Variants in MAN1C1 observed in about 807,000 individuals in gnomAD.
The protein encoded by MAN1C1 is mannosyl-oligosaccharide 1,2-alpha-mannosidase IC.
MAN1C1 carries 49 observed loss-of-function variants against 71.5 expected under a neutral mutation model. The observed-to-expected ratio is 0.69, with a 90% CI of 0.54 to 0.87. MAN1C1 has a LOEUF of 0.87. Among genes scored for constraint, MAN1C1 ranks in the 40% least tolerant of loss-of-function variants. The pLI, the probability that MAN1C1 is intolerant of heterozygous loss-of-function variation, is 0.00. For missense variants in MAN1C1, 743 were observed against 835.0 expected (o/e 0.89, Z 1.36); for synonymous variants, 352 against 343.7 (o/e 1.02, Z -0.27).
At position 25,779,970 on chromosome 1, in the gene MAN1C1, T is replaced by C. The variant is rs941465693; in HGVS notation, c.1478-970T>C. 1.3e-5 allele frequency among the ~76,000 whole-genome samples: 2 copies of C among 152,136 alleles called. No individual in the cohort carries two copies. The highest frequency in any genetic ancestry group is 1.3e-4 in the Admixed American group (2 of 15,278). Reference sequence around the variant, plus strand: ...TAAAGGGAGAAGGATCTGGCCCTCATACCCTACATGTTGGGCCTATGAGGG... The same window carrying C: ...TAAAGGGAGAAGGATCTGGCCCTCACACCCTACATGTTGGGCCTATGAGGG... On this transcript the variant is annotated intron_variant, in intron 9 of 11. Transcript: ENST00000374332. This position sits in a 1 kb window ranked among gnomAD's most constrained non-coding sequence, Gnocchi z 4.6.
intron 2 of MAN1C1, among the ~76,000 whole-genome samples, chr1:25,736,115 G>A (rs1176499030): frequency 6.6e-6 from 1 of 152,162 alleles, no homozygotes; most frequent in African/African-American, 2.4e-5. Flanking sequence ...TGTCTGGTGG[G>A]ATGAGCGGCA....
chr1:25,704,109 G>A (rs75159770), intron 2 of MAN1C1, among the ~76,000 whole-genome samples: 1 of 152,186 alleles, frequency 6.6e-6, no homozygotes. Context: ...CAACCAGCCA[G>A]GAAAGCAGTC....
Position 25,758,674 on chromosome 1 carries a change from A to G in MAN1C1, c.1012A>G (p.Thr338Ala). Residue 338 changes from threonine to alanine, a missense_variant, in exon 6 of 12, where the codon ACT (threonine) becomes GCT (alanine). Physicochemically the swap from Thr to Ala is moderately conservative, Grantham distance 58. Coordinates refer to ENST00000374332, the MANE Select transcript of MAN1C1 (RefSeq NM_020379.4). The part of the protein sequence containing the change: ...GSLHLEFLHL[T>A]ELSGNQVFAE... The stretch of plus-strand genomic sequence containing the variant: ...CCTGCACTTGGAATTCTTACACCTC[A>G]CTGAACTCTCTGGCAACCAGGTCTT... 6.2e-7 allele frequency: 1 copy of G among 1,613,580 alleles called. No homozygotes were observed. Among genetic ancestry groups the G allele is most frequent in the Non-Finnish European group, 8.5e-7 (1 of 1,179,516 alleles).
At chr1:25,652,044 T>C (rs1300212215) in intron 1 of MAN1C1, among the ~76,000 whole-genome samples, 1 of 152,228 alleles carries the variant, frequency 6.6e-6, no homozygotes, top group East Asian at 1.9e-4. Flanking sequence ...CAATGGCCAC[T>C]CAAAGCCAAG....
Position 25,687,789 on chromosome 1 carries a change from G to T in MAN1C1, c.637+1253G>T, listed in dbSNP as rs576994802. On this transcript the variant is annotated intron_variant, in intron 2 of 11. Transcript: ENST00000374332. ...GTATTTATTTTTCTCATTATCCTAG[G>T]AGTGTATGGGGGAAAAGGAAAGTAT... 4.6e-5 allele frequency among the ~76,000 whole-genome samples: 7 copies of T among 152,126 alleles called. No homozygotes were observed. The East Asian group carries it at 1.4e-3, about 29-fold the overall frequency.
intron 1 of MAN1C1, among the ~76,000 whole-genome samples, chr1:25,640,775 G>T (rs968703056): frequency 6.6e-6 from 1 of 152,168 alleles, no homozygotes; most frequent in African/African-American, 2.4e-5. Flanking sequence ...CTCAGAGGCG[G>T]TATTGTGTAA....
At chr1:25,671,449 G>C (rs570308676) in intron 1 of MAN1C1, among the ~76,000 whole-genome samples, 1 of 152,164 alleles carries the variant, frequency 6.6e-6, no homozygotes, top group African/African-American at 2.4e-5. Flanking sequence ...AGGGGAATAG[G>C]TTCCAGCATT....
rs935669071 is a variant in MAN1C1, at chr1:25,782,650, C to T, written c.1716C>T (p.Thr572=). The T allele has an allele frequency of 3.7e-6, 6 of 1,614,070 alleles. No individual in the cohort carries two copies. Among genetic ancestry groups the T allele is most frequent in the Non-Finnish European group, 5.1e-6 (6 of 1,180,024 alleles). ...GGATCCAAGACGTGTACAGTAGCAC[C>T]CCCAACCACGACAACAAGCAGCAGA... The part of the protein sequence containing the change: ...FSGIQDVYSS[T]PNHDNKQQSF... Residue 572 remains threonine (T), a synonymous_variant, in exon 11 of 12, where the codon ACC becomes ACT. Transcript: ENST00000374332. This position sits in a 1 kb window ranked among gnomAD's most constrained non-coding sequence, Gnocchi z 4.4.
chr1:25,730,601 A>C lies in MAN1C1; in HGVS notation c.638-16067A>C, dbSNP rs775686435. Reference sequence around the variant, plus strand: ...ACTGTGTGTTTTCTCTGAAGCGGAGAGCTGTCTCCTGGGCCGTGGCACGTT... The same window carrying C: ...ACTGTGTGTTTTCTCTGAAGCGGAGCGCTGTCTCCTGGGCCGTGGCACGTT... On this transcript the variant is annotated intron_variant, in intron 2 of 11. Coordinates refer to ENST00000374332, the MANE Select transcript of MAN1C1 (RefSeq NM_020379.4). The surrounding 1 kb of genome is among the most constrained non-coding windows in gnomAD (Gnocchi z 4.3). 3.2e-4 allele frequency among the ~76,000 whole-genome samples: 48 copies of C among 152,174 alleles called. No homozygotes were observed. The highest frequency in any genetic ancestry group is 6.5e-4 in the Non-Finnish European group (44 of 68,020).
chr1:25,690,946 G>A (rs1306886178), intron 2 of MAN1C1, among the ~76,000 whole-genome samples: 2 of 152,196 alleles, frequency 1.3e-5, no homozygotes, highest in African/African-American at 4.8e-5. Flanking sequence ...CTGAGGCCTG[G>A]CTTCCTCGCC....
In MAN1C1 at chr1:25,781,124, C is replaced by A. The variant is rs778911165; in HGVS notation, c.1650+12C>A. Reference sequence around the variant, plus strand: ...GGGAGGTGGTGCTGGTGAGTGGGCCCCAGGGATGGGCAGCAAGGTGCTAGA... The same window carrying A: ...GGGAGGTGGTGCTGGTGAGTGGGCCACAGGGATGGGCAGCAAGGTGCTAGA... On this transcript the variant is annotated intron_variant, in intron 10 of 11. Transcript: ENST00000374332. 33 of 1,612,782 alleles carry A rather than the reference C, an allele frequency of 2.0e-5. No homozygotes were observed. The highest frequency in any genetic ancestry group is 2.8e-5 in the Non-Finnish European group (33 of 1,179,344).
chr1:25,706,133 G>T (rs1055665066), intron 2 of MAN1C1, among the ~76,000 whole-genome samples: 2 of 152,174 alleles, frequency 1.3e-5, no homozygotes, highest in African/African-American at 4.8e-5. Context: ...GATGCAAAAG[G>T]TTAGGTCTGT....
At position 25,765,994 on chromosome 1, in the gene MAN1C1, C is replaced by T. The variant is rs545168123; in HGVS notation, c.1141+2027C>T. On this transcript the variant is annotated intron_variant, in intron 7 of 11. Coordinates refer to ENST00000374332, the MANE Select transcript of MAN1C1 (RefSeq NM_020379.4). ...CGATAACAGTTGCTGGTTTTAATTGCGAGACCTGACTGGATAAGGAGATAA... is the reference window on the plus strand; with the variant it reads ...CGATAACAGTTGCTGGTTTTAATTGTGAGACCTGACTGGATAAGGAGATAA... Among the ~76,000 whole-genome samples the T allele has an allele frequency of 3.9e-5, 6 of 152,310 alleles. 1 individual carries two copies. In the Middle Eastern group the frequency reaches 0.01, roughly 259 times the overall value.
intron 2 of MAN1C1, among the ~76,000 whole-genome samples, chr1:25,699,636 G>A (rs536643468): frequency 2.8e-4 from 43 of 152,292 alleles, no homozygotes; most frequent in African/African-American, 8.7e-4. Context: ...GAGCGTGGGC[G>A]TCTGGCATAT....
At chr1:25,739,178 C>T (rs1397053124) in intron 2 of MAN1C1, among the ~76,000 whole-genome samples, 7 of 152,110 alleles carry the variant, frequency 4.6e-5, no homozygotes, top group Admixed American at 2.6e-4. Flanking sequence ...TGCTTCATTC[C>T]GTTGGTCCAG....
At chr1:25,709,339 T>C (rs573589672) in intron 2 of MAN1C1, among the ~76,000 whole-genome samples, 103 of 152,284 alleles carry the variant, frequency 6.8e-4, no homozygotes, top group African/African-American at 2.4e-3. Flanking sequence ...TTTGCAGTCA[T>C]AAAAACAGCA....
At chr1:25,721,244 C>A (rs2046761807) in intron 2 of MAN1C1, among the ~76,000 whole-genome samples, 1 of 152,078 alleles carries the variant, frequency 6.6e-6, no homozygotes, top group African/African-American at 2.4e-5. Context: ...TTCTTAGCCC[C>A]CCAGAGTGCT....
At chr1:25,719,402 TATTTA>T (rs1192446565) in intron 2 of MAN1C1, among the ~76,000 whole-genome samples, 77 of 102,904 alleles carry the variant, frequency 7.5e-4, no homozygotes, top group African/African-American at 5.0e-3. Context: ...ATCTTTTATT[TATTTA>T]TTTATTTATT....
intron 2 of MAN1C1, among the ~76,000 whole-genome samples, chr1:25,700,692 T>G (rs1033910975): frequency 3.9e-5 from 6 of 152,216 alleles, no homozygotes; most frequent in African/African-American, 1.2e-4. Context: ...TCCCCACAGT[T>G]CAGTGCCAGG....
Sources: gnomAD v4.1 joint callset for allele counts (sites outside exome capture counted in the v4.1 genomes callset) on GRCh38, gnomAD v4.1.1 for gene constraint, Gnocchi (gnomAD v3.1) non-coding constraint, MANE v1.5 for transcripts, NCBI Gene and HGNC (gene_info 2026-07-23, HGNC 2026-07-21) for gene names.